The following WDR70 variants were observed in gnomAD, a reference collection of about 807,000 sequenced individuals.
WDR70 encodes the protein WD repeat-containing protein 70.
In WDR70, 53 loss-of-function variants were observed where a neutral mutation model predicts 88.6. The ratio of observed to expected loss-of-function variants is 0.60; its 90% CI spans 0.48 to 0.75. WDR70 has a LOEUF of 0.75. Ranked by LOEUF, WDR70 falls within the 30% of genes least tolerant of loss-of-function variation. WDR70 has a pLI of 0.00. For synonymous variants in WDR70, 280 were observed against 270.0 expected (o/e 1.04, Z -0.36); for missense variants, 610 against 823.2 (o/e 0.74, Z 3.17).
chr5:37,707,157 G>T (rs1045740823), intron 13 of WDR70, among the ~76,000 whole-genome samples: 1 of 152,252 alleles, frequency 6.6e-6, no homozygotes, highest in African/African-American at 2.4e-5. Flanking sequence ...ATGACTAATA[G>T]AATTTTCTTT....
intron 5 of WDR70, among the ~76,000 whole-genome samples, chr5:37,436,731 G>A (rs1342251480): frequency 6.6e-6 from 1 of 152,096 alleles, no homozygotes; most frequent in Admixed American, 6.5e-5. Context: ...AAAAGATAAC[G>A]ATTGAGCAAT....
At chr5:37,563,522 A>ACCTC (rs1358158710) in intron 9 of WDR70, among the ~76,000 whole-genome samples, 3 of 39,492 alleles carry the variant, frequency 7.6e-5, no homozygotes, top group Non-Finnish European at 1.7e-4. Context: ...GGCGCCCCTC[A>ACCTC]CCTCCCGGAT....
intron 5 of WDR70, among the ~76,000 whole-genome samples, chr5:37,434,150 A>G (rs1750397216): frequency 2.0e-5 from 3 of 152,192 alleles, no homozygotes; most frequent in Non-Finnish European, 4.4e-5. Context: ...ATAGGGTGGC[A>G]AGACAGAGTG....
chr5:37,717,673 T>A (rs1383982867), intron 13 of WDR70, among the ~76,000 whole-genome samples: 1 of 152,164 alleles, frequency 6.6e-6, no homozygotes, highest in African/African-American at 2.4e-5. Context: ...AGCCGGTATG[T>A]ATGTTTGACA....
intron 10 of WDR70, among the ~76,000 whole-genome samples, chr5:37,647,670 AGGAATTCTCTG>A (rs1369721075): frequency 6.6e-6 from 1 of 152,190 alleles, no homozygotes; most frequent in African/African-American, 2.4e-5. Context: ...TAAGATCTGA[AGGAATTCTCTG>A]GATTATCAGG....
intron 10 of WDR70, among the ~76,000 whole-genome samples, chr5:37,687,640 C>T (rs1381629163): frequency 1.3e-5 from 2 of 152,160 alleles, no homozygotes; most frequent in Non-Finnish European, 2.9e-5. Context: ...GGTGAAGTCT[C>T]CTCATACTAC....
chr5:37,449,722 C>A (rs2112075399), intron 7 of WDR70, among the ~76,000 whole-genome samples: 1 of 151,900 alleles, frequency 6.6e-6, no homozygotes, highest in Middle Eastern at 3.4e-3. Context: ...AGTATATTAG[C>A]AAATAAGATC....
intron 10 of WDR70, among the ~76,000 whole-genome samples, chr5:37,692,718 A>G (rs973820989): frequency 2.6e-5 from 4 of 152,222 alleles, no homozygotes; most frequent in Non-Finnish European, 5.9e-5. Flanking sequence ...ACATGTCTCA[A>G]ATTAATAAGA....
chr5:37,538,651 A>G (rs1387414145), intron 9 of WDR70, among the ~76,000 whole-genome samples: 1 of 152,168 alleles, frequency 6.6e-6, no homozygotes, highest in Non-Finnish European at 1.5e-5. Flanking sequence ...TAATTCCAGG[A>G]GTTTCAGTAT....
chr5:37,538,630 CCTTAA>C, intron 9 of WDR70, among the ~76,000 whole-genome samples: 1 of 152,132 alleles, frequency 6.6e-6, no homozygotes, highest in Non-Finnish European at 1.5e-5. Flanking sequence ...GATGCTAGTG[CCTTAA>C]CTTTTTAATT....
chr5:37,648,077 G>A (rs55633811), intron 10 of WDR70, among the ~76,000 whole-genome samples: 4,980 of 152,196 alleles, frequency 0.033, 119 homozygotes, highest in Middle Eastern at 0.12. Flanking sequence ...CATATTAGGT[G>A]TTATATGGTA....
chr5:37,546,034 T>A (rs2112338472), intron 9 of WDR70, among the ~76,000 whole-genome samples: 1 of 152,304 alleles, frequency 6.6e-6, no homozygotes, highest in South Asian at 2.1e-4. Flanking sequence ...TTATTTTATA[T>A]CCAATATAAG....
At chr5:37,515,050 A>C (rs2112253715) in intron 8 of WDR70, among the ~76,000 whole-genome samples, 1 of 152,038 alleles carries the variant, frequency 6.6e-6, no homozygotes, top group East Asian at 1.9e-4. Flanking sequence ...AAGCAGAGAG[A>C]CTAATAACAA....
intron 9 of WDR70, among the ~76,000 whole-genome samples, chr5:37,532,809 A>G (rs1729866119): frequency 6.6e-6 from 1 of 152,112 alleles, no homozygotes; most frequent in Non-Finnish European, 1.5e-5. Flanking sequence ...GTGAGCTAGT[A>G]TGATCTTTTG....
intron 9 of WDR70, among the ~76,000 whole-genome samples, chr5:37,553,185 A>G (rs1400636228): frequency 6.6e-6 from 1 of 152,196 alleles, no homozygotes; most frequent in Non-Finnish European, 1.5e-5. Context: ...CCCTTTCTTT[A>G]TGAGTGTTGT....
chr5:37,412,864 A>G (rs1170127331), intron 5 of WDR70, among the ~76,000 whole-genome samples: 1 of 152,214 alleles, frequency 6.6e-6, no homozygotes, highest in Non-Finnish European at 1.5e-5. Flanking sequence ...TGATGTAAGA[A>G]TAAGGTGATT....
At chr5:37,721,393 T>TG in intron 14 of WDR70, 178 bp downstream of exon 14, 1 of 610,134 alleles carries the variant, frequency 1.6e-6, no homozygotes, top group South Asian at 2.0e-5. Context: ...AGGATTTGAA[T>TG]ATTGCCCTTG....
intron 5 of WDR70, among the ~76,000 whole-genome samples, chr5:37,408,653 G>A (rs1027123154): frequency 6.6e-6 from 1 of 152,134 alleles, no homozygotes; most frequent in Non-Finnish European, 1.5e-5. Flanking sequence ...TAGCAACTAA[G>A]CAGTGAGTAT....
chr5:37,393,200 C>T (rs1748899999), intron 4 of WDR70, among the ~76,000 whole-genome samples: 1 of 151,720 alleles, frequency 6.6e-6, no homozygotes, highest in African/African-American at 2.4e-5. Flanking sequence ...CACCACCATG[C>T]CCAGCTAATT....
Sources: gnomAD v4.1 joint callset for allele counts (sites outside exome capture counted in the v4.1 genomes callset) on GRCh38, gnomAD v4.1.1 for gene constraint, MANE v1.5 for transcripts, NCBI Gene and HGNC (gene_info 2026-07-23, HGNC 2026-07-21) for gene names.